The following FOXK2 variants were observed in gnomAD, a reference collection of about 807,000 sequenced individuals.
The protein encoded by FOXK2 is forkhead box protein K2.
Under a neutral mutation model 53.3 loss-of-function variants are expected in FOXK2, and 24 were observed. That is an observed-to-expected ratio of 0.45 (90% CI 0.33 to 0.63). The LOEUF is 0.63. Among genes scored for constraint, FOXK2 ranks in the 30% least tolerant of loss-of-function variants. The pLI is 0.03. For synonymous variants in FOXK2, 505 were observed against 407.1 expected, an observed-to-expected ratio of 1.24 and a Z score of -2.89; for missense variants, 952 against 910.5, an observed-to-expected ratio of 1.05 and a Z score of -0.59.
rs139261388 is a variant in FOXK2, at chr17:82,568,037, CT to C, written c.615-12del. 2 of 1,571,196 alleles carry C rather than the reference CT, an allele frequency of 1.3e-6. 1 individual carries two copies. Among genetic ancestry groups the C allele is most frequent in the South Asian group, 2.3e-5 (2 of 86,518 alleles). On this transcript the variant is annotated splice_polypyrimidine_tract_variant and intron_variant, in intron 2 of 8. Transcript: ENST00000335255. ...CACTGTGATAGACTAATAGGAACAA[CT>C]TTTTCTCTTCCACAGCGCTGCAAAC...
At chr17:82,572,570 CT>C (rs1270439469) in intron 4 of FOXK2, among the ~76,000 whole-genome samples, 1 of 150,164 alleles carries the variant, frequency 6.7e-6, no homozygotes, top group East Asian at 1.9e-4. Context: ...GGTTTTTTCT[CT>C]GTGTATCTGT....
At chr17:82,552,272 T>A (rs1278226022) in intron 1 of FOXK2, among the ~76,000 whole-genome samples, 1 of 152,202 alleles carries the variant, frequency 6.6e-6, no homozygotes, top group African/African-American at 2.4e-5. Flanking sequence ...TTTTCCCAGA[T>A]TCCCACTCCG....
At chr17:82,525,525 AT>A (rs2044409058) in intron 1 of FOXK2, among the ~76,000 whole-genome samples, 1 of 152,134 alleles carries the variant, frequency 6.6e-6, no homozygotes, top group Non-Finnish European at 1.5e-5. Flanking sequence ...GGAGGCTATG[AT>A]TAGTAAAGTG....
At chr17:82,529,166 C>T (rs2044446793) in intron 1 of FOXK2, among the ~76,000 whole-genome samples, 1 of 149,948 alleles carries the variant, frequency 6.7e-6, no homozygotes. Flanking sequence ...ATGATTCCTG[C>T]TTAAAACCTT....
intron 1 of FOXK2, among the ~76,000 whole-genome samples, chr17:82,542,575 A>G (rs2044585377): frequency 6.6e-6 from 1 of 151,996 alleles, no homozygotes. Context: ...TGGCCTCCCA[A>G]CCGTGAATTA....
rs537082624 is a variant in FOXK2 at position 82,569,988 on chromosome 17, C to T, written c.763-1736C>T. On this transcript the variant is annotated intron_variant, in intron 3 of 8. Transcript: ENST00000335255. ...TGTAATCCCCAGCACTTTGGGAGGCCAAGGTGGGCGGATCACGAGGTCAGG... is the reference window on the plus strand; with the variant it reads ...TGTAATCCCCAGCACTTTGGGAGGCTAAGGTGGGCGGATCACGAGGTCAGG... Among the ~76,000 whole-genome samples, 46 of 152,200 alleles carry T rather than the reference C, an allele frequency of 3.0e-4. No individual in the cohort carries two copies. In the East Asian group the frequency reaches 4.2e-3, roughly 14 times the overall value.
chr17:82,601,073 G>C, intron 8 of FOXK2: 1 of 482,108 alleles, frequency 2.1e-6, no homozygotes, highest in Non-Finnish European at 3.7e-6. Flanking sequence ...GCAGTTTTTT[G>C]GGGTCCCAAG....
intron 4 of FOXK2, among the ~76,000 whole-genome samples, chr17:82,574,859 A>T (rs2044964754): frequency 6.6e-6 from 1 of 152,336 alleles, no homozygotes; most frequent in Admixed American, 6.5e-5. Context: ...AGATGGTCTG[A>T]GGAATCCTAT....
intron 2 of FOXK2, among the ~76,000 whole-genome samples, chr17:82,566,538 AAGGGCAC>A (rs2044853212): frequency 6.6e-6 from 1 of 152,172 alleles, no homozygotes. Context: ...ACTGCATGAA[AAGGGCAC>A]AGAATTCCCT....
intron 1 of FOXK2, among the ~76,000 whole-genome samples, chr17:82,551,502 C>G (rs953353372): frequency 2.3e-4 from 35 of 151,692 alleles, no homozygotes; most frequent in African/African-American, 8.0e-4. Context: ...ATGGTGAAAC[C>G]CTGTCTGTAC....
chr17:82,592,311 G>A (rs1226852543), intron 8 of FOXK2, among the ~76,000 whole-genome samples: 1 of 152,200 alleles, frequency 6.6e-6, no homozygotes, highest in East Asian at 1.9e-4. Context: ...GCATCTCTTG[G>A]CTCACATATT....
intron 4 of FOXK2, among the ~76,000 whole-genome samples, chr17:82,580,286 C>T (rs113771905): frequency 1.2e-4 from 14 of 116,552 alleles, no homozygotes; most frequent in East Asian, 2.9e-4. Flanking sequence ...ACACATGGCC[C>T]AGCCCTCCTC....
chr17:82,586,401 C>CCG (rs149999499), intron 7 of FOXK2, among the ~76,000 whole-genome samples: 10 of 41,178 alleles, frequency 2.4e-4, no homozygotes, highest in African/African-American at 7.3e-4. Flanking sequence ...GAAAGGTGGG[C>CCG]GGGGGGGAAA....
At chr17:82,566,282 G>T (rs1040244517) in intron 2 of FOXK2, among the ~76,000 whole-genome samples, 8 of 152,108 alleles carry the variant, frequency 5.3e-5, no homozygotes, top group Admixed American at 4.6e-4. Flanking sequence ...CATCCGTTGT[G>T]CATGTGTTTG....
At chr17:82,583,954 C>T in intron 5 of FOXK2, 59 bp from the exon 6 acceptor site, 2 of 1,510,246 alleles carry the variant, frequency 1.3e-6, no homozygotes, top group Non-Finnish European at 1.8e-6. Flanking sequence ...ATTAAAACAG[C>T]AAGTGCTTTC....
In FOXK2 at chr17:82,601,893, G is replaced by A. The variant is rs1383332538; in HGVS notation, c.*394G>A. On this transcript the variant is annotated 3_prime_UTR_variant, in exon 9 of 9. Coordinates refer to ENST00000335255, the MANE Select transcript of FOXK2 (RefSeq NM_004514.4). The stretch of plus-strand genomic sequence containing the variant: ...CCGCCGCCCTCACAGGACCCACCAG[G>A]CAGCGGAGACATGTGGAATTAGAGT... 5.6e-6 allele frequency: 1 copy of A among 179,498 alleles called. No homozygotes were observed. The highest frequency in any genetic ancestry group is 2.3e-5 in the African/African-American group (1 of 42,588). The allele number at this position is 179,498 out of a possible 1,614,324, so 11.1% of individuals were successfully genotyped here. A position where few individuals can be genotyped will look rare whatever the true frequency, so the allele number is the denominator to read the frequency against.
chr17:82,526,772 A>G (rs1010576094), intron 1 of FOXK2, among the ~76,000 whole-genome samples: 9 of 151,620 alleles, frequency 5.9e-5, no homozygotes, highest in African/African-American at 1.7e-4. Flanking sequence ...TGGAGCTTGC[A>G]GTGAGCCGAG....
chr17:82,538,838 C>G (rs1301878535), intron 1 of FOXK2, among the ~76,000 whole-genome samples: 7 of 152,182 alleles, frequency 4.6e-5, no homozygotes, highest in African/African-American at 1.7e-4. Flanking sequence ...ACGCCATACC[C>G]ACAGCTCACA....
intron 3 of FOXK2, among the ~76,000 whole-genome samples, chr17:82,570,827 G>A (rs1470155321): frequency 6.6e-6 from 1 of 152,190 alleles, no homozygotes; most frequent in Admixed American, 6.5e-5. Flanking sequence ...GTTTCAAGTT[G>A]TCACTATGAC....
Sources: allele counts gnomAD v4.1 joint callset (sites outside exome capture counted in the v4.1 genomes callset), GRCh38; gene constraint gnomAD v4.1.1; transcripts MANE v1.5; gene names NCBI Gene and HGNC (gene_info 2026-07-23, HGNC 2026-07-21).